Variants in ARRDC2 observed in about 807,000 individuals in gnomAD.
ARRDC2 encodes the protein arrestin domain containing 2, also known as arrestin domain-containing protein 2.
A neutral mutation model predicts 38.9 loss-of-function variants in ARRDC2; 39 were observed. The ratio of observed to expected loss-of-function variants is 1.00; its 90% CI spans 0.78 to 1.31. The LOEUF is 1.31. ARRDC2 is among the 50% of genes most tolerant of loss of function. ARRDC2 has a pLI of 0.00. For synonymous variants in ARRDC2, 300 were observed against 261.9 expected (o/e 1.15, Z -1.41); for missense variants, 553 against 588.4 (o/e 0.94, Z 0.62).
intron 7 of ARRDC2, among the ~76,000 whole-genome samples, chr19:18,012,463 T>G (rs1208009133): frequency 6.6e-6 from 1 of 152,018 alleles, no homozygotes; most frequent in African/African-American, 2.4e-5. Flanking sequence ...GGCATCCACC[T>G]GTGATCCCAG....
At chr19:18,012,300 G>A (rs1045918654) in intron 7 of ARRDC2, among the ~76,000 whole-genome samples, 7 of 151,786 alleles carry the variant, frequency 4.6e-5, no homozygotes, top group Non-Finnish European at 1.0e-4. Context: ...TAAAGTACAC[G>A]GGAGGGCTGG....
intron 5 of ARRDC2, 51 bp from the exon 6 acceptor site, chr19:18,010,145 G>T (rs373271676): frequency 6.2e-7 from 1 of 1,606,366 alleles, no homozygotes. Flanking sequence ...GGAGGGAGGT[G>T]GGGGTTGGGG....
At chr19:18,003,290 A>G (rs1282273264), upstream of ARRDC2, among the ~76,000 whole-genome samples, 2 of 151,818 alleles carry the variant, frequency 1.3e-5, no homozygotes, top group Non-Finnish European at 2.9e-5. Context: ...TTTTTGAGAC[A>G]GGGTCTTACT....
upstream of ARRDC2, chr19:18,008,129 C>CCCCCCCCCCCCAAAAAAAAACA: frequency 9.3e-7 from 1 of 1,074,286 alleles, no homozygotes. Context: ...CCACCCCCCC[C>CCCCCCCCCCCCAAAAAAAAACA]CGCCCTGCCG....
upstream of ARRDC2, among the ~76,000 whole-genome samples, chr19:18,005,568 C>T (rs1000305372): frequency 2.7e-5 from 4 of 150,518 alleles, no homozygotes; most frequent in Non-Finnish European, 5.9e-5. Context: ...TAGGGGCGGC[C>T]GGGCAGAGGT....
upstream of ARRDC2, chr19:18,008,116 A>AGGGGGCGCC: frequency 1.9e-6 from 1 of 522,500 alleles, no homozygotes; most frequent in Non-Finnish European, 2.9e-6. Flanking sequence ...AGAGACGGTG[A>AGGGGGCGCC]CCCCACCCCC....
In ARRDC2 at chr19:18,009,677, G is replaced by C. The variant is rs17852062; in HGVS notation, c.575G>C (p.Arg192Pro). The C allele has an allele frequency of 6.2e-7, 1 of 1,610,950 alleles. No homozygotes were observed. Among genetic ancestry groups the C allele is most frequent in the Admixed American group, 1.7e-5 (1 of 59,812 alleles). Reference protein sequence around the residue: ...GLVSLSAKIDRKGYTPGEVIP... With the variant: ...GLVSLSAKIDPKGYTPGEVIP... ...GTCTCCCTTTCGGCCAAGATCGACC[G>C]CAAGGGCTACACCCCAGGTAGCAGG... Residue 192 changes from arginine to proline, a missense_variant, in exon 4 of 8, where the codon CGC (arginine) becomes CCC (proline). Coordinates refer to ENST00000222250, the MANE Select transcript of ARRDC2 (RefSeq NM_015683.2).
upstream of ARRDC2, among the ~76,000 whole-genome samples, chr19:18,004,673 A>AGCAGAGTG (rs2033237580): frequency 6.6e-6 from 1 of 150,660 alleles, no homozygotes; most frequent in South Asian, 2.1e-4. Context: ...TGGGTGTCAG[A>AGCAGAGTG]GCAGAGTGAG....
upstream of ARRDC2, chr19:18,008,121 A>ACCCCCCCCCC (rs149842719): frequency 9.5e-4 from 352 of 370,200 alleles, 1 homozygote; most frequent in Middle Eastern, 5.4e-3. Context: ...CGGTGACCCC[A>ACCCCCCCCCC]CCCCCCCCCG....
intron 3 of ARRDC2, 134 bp downstream of exon 3, chr19:18,009,252 C>A: frequency 9.4e-7 from 1 of 1,058,620 alleles, no homozygotes; most frequent in South Asian, 1.5e-5. Context: ...TGTGGGAATG[C>A]GTGTGGAATC....
upstream of ARRDC2, among the ~76,000 whole-genome samples, chr19:18,003,866 C>T (rs943757923): frequency 5.9e-5 from 9 of 152,030 alleles, no homozygotes; most frequent in Non-Finnish European, 4.4e-5. Context: ...GTCTCGATCT[C>T]CTGACCTCGT....
At chr19:18,012,812 C>T (rs2033440069) in intron 7 of ARRDC2, 101 bp from the exon 8 acceptor site, 3 of 1,296,514 alleles carry the variant, frequency 2.3e-6, no homozygotes, top group South Asian at 2.6e-5. Context: ...GGCCTCATCC[C>T]TGGTCAAGGG....
chr19:18,008,749 G>A lies in ARRDC2; in HGVS notation c.313G>A (p.Glu105Lys). 6.2e-7 allele frequency: 1 copy of A among 1,613,630 alleles called. No individual in the cohort carries two copies. Among genetic ancestry groups the A allele is most frequent in the Non-Finnish European group, 8.5e-7 (1 of 1,180,020 alleles). ...ETTTLPPGRH[E>K]FLFSFQLPPT... ...CACGACGCTGCCTCCTGGGCGCCAT[G>A]AGTTCCTGTTCAGCTTCCAGCTGCC... Residue 105 changes from glutamate (E) to lysine (K), a missense_variant, in exon 2 of 8, where the codon GAG (glutamate) becomes AAG (lysine). Coordinates refer to ENST00000222250, the MANE Select transcript of ARRDC2 (RefSeq NM_015683.2).
chr19:18,003,125 CA>C (rs2033210022), intron 1 of ARRDC2, among the ~76,000 whole-genome samples: 1 of 151,716 alleles, frequency 6.6e-6, no homozygotes, highest in Non-Finnish European at 1.5e-5. Context: ...AACAAATAAA[CA>C]AAAAACACTG....
chr19:18,007,105 A>C (rs769912689), upstream of ARRDC2: 1 of 152,578 alleles, frequency 6.6e-6, no homozygotes, highest in Admixed American at 6.5e-5. Flanking sequence ...AGAGGCGGAC[A>C]GTCACGGCAG....
chr19:18,006,868 T>A (rs910214969), upstream of ARRDC2, among the ~76,000 whole-genome samples: 4 of 152,152 alleles, frequency 2.6e-5, no homozygotes, highest in Non-Finnish European at 5.9e-5. Context: ...AACGGCCTAC[T>A]GTCTCCCCTC....
chr19:18,008,902 CTG>C (rs1335998383), intron 2 of ARRDC2, 67 bp from the exon 3 acceptor site: 4 of 1,602,914 alleles, frequency 2.5e-6, no homozygotes, highest in East Asian at 4.5e-5. Flanking sequence ...CCCGGAGTGT[CTG>C]TGTCTCCTTC....
upstream of ARRDC2, among the ~76,000 whole-genome samples, chr19:18,006,747 G>C (rs1167150859): frequency 2.0e-5 from 3 of 152,248 alleles, no homozygotes; most frequent in African/African-American, 7.2e-5. Flanking sequence ...ACCTCGGGCA[G>C]AGCCCCACCC....
chr19:18,005,597 C>T (rs866761200), upstream of ARRDC2, among the ~76,000 whole-genome samples: 4,702 of 148,082 alleles, frequency 0.032, 117 homozygotes, highest in East Asian at 0.12. Context: ...ACCTCCCGGA[C>T]GGGGCGGCTG....
Sources: gnomAD v4.1 joint callset for allele counts (sites outside exome capture counted in the v4.1 genomes callset) on GRCh38, gnomAD v4.1.1 for gene constraint, MANE v1.5 for transcripts, NCBI Gene and HGNC (gene_info 2026-07-23, HGNC 2026-07-21) for gene names.